MAML1: variants seen among roughly 807,000 people sequenced by gnomAD.
The protein encoded by MAML1 is mastermind-like protein 1.
A neutral mutation model predicts 77.1 loss-of-function variants in MAML1; 14 were observed. The ratio of observed to expected loss-of-function variants is 0.18; its 90% CI spans 0.12 to 0.28. The LOEUF is 0.28. Among genes scored for constraint, MAML1 ranks in the 10% least tolerant of loss-of-function variants. The pLI is 1.00. For missense variants in MAML1, 1,217 were observed against 1,327.8 expected (o/e 0.92, Z 1.30); for synonymous variants, 516 against 551.9 (o/e 0.93, Z 0.91).
At chr5:179,767,830 A>T (rs1478953618) in intron 2 of MAML1, among the ~76,000 whole-genome samples, 1 of 152,252 alleles carries the variant, frequency 6.6e-6, no homozygotes, top group African/African-American at 2.4e-5. Flanking sequence ...AAGGAGCTCA[A>T]CAATTTGAAC....
chr5:179,770,861 G>A (rs1190554982), intron 3 of MAML1: 2 of 306,044 alleles, frequency 6.5e-6, no homozygotes, highest in African/African-American at 4.3e-5. Context: ...ATCTGACTTT[G>A]ATTCTGGCCA....
chr5:179,751,303 G>A (rs1229427072), intron 1 of MAML1, among the ~76,000 whole-genome samples: 3 of 152,168 alleles, frequency 2.0e-5, no homozygotes, highest in Admixed American at 1.3e-4. Context: ...CTGTCCATGA[G>A]GGTAGCCATC....
At chr5:179,736,298 G>A (rs761211134) in intron 1 of MAML1, among the ~76,000 whole-genome samples, 11 of 151,936 alleles carry the variant, frequency 7.2e-5, no homozygotes, top group South Asian at 2.1e-4. Context: ...TTGTCGCCAG[G>A]CTGGAGTGCA....
chr5:179,752,306 C>G (rs1779504878), intron 1 of MAML1, among the ~76,000 whole-genome samples: 1 of 103,446 alleles, frequency 9.7e-6, no homozygotes, highest in Non-Finnish European at 1.8e-5. Flanking sequence ...AGCCTGGCAA[C>G]AGAGCTAGAC....
In MAML1 at chr5:179,766,281, C is replaced by T. The variant is rs774534400; in HGVS notation, c.1271C>T (p.Pro424Leu). Residue 424 changes from proline to leucine, a missense_variant, in exon 2 of 5, where the codon CCG becomes CTG. Around this residue, in one of 3 missense-constraint regions of MAML1, gnomAD observed 884 missense variants for 949.3 expected, o/e 0.93. Transcript: ENST00000292599. This position sits in a 1 kb window ranked among gnomAD's most constrained non-coding sequence, Gnocchi z 4.0. ...NPQQATPAPA[P>L]GQMSTWQQTG... ...CAGCAGGCCACCCCGGCACCAGCCC[C>T]GGGCCAGATGTCCACATGGCAGCAG... The T allele has an allele frequency of 1.4e-5, 22 of 1,613,770 alleles. No individual in the cohort carries two copies. The highest frequency in any genetic ancestry group is 6.7e-5 in the East Asian group (3 of 44,882).
chr5:179,753,892 G>A (rs776627826), intron 1 of MAML1, among the ~76,000 whole-genome samples: 2 of 151,688 alleles, frequency 1.3e-5, no homozygotes, highest in African/African-American at 4.8e-5. Context: ...AGCTGGTCTC[G>A]AACTCCCGAC....
chr5:179,753,790 T>C (rs914919270), intron 1 of MAML1, among the ~76,000 whole-genome samples: 1 of 151,164 alleles, frequency 6.6e-6, no homozygotes, highest in Non-Finnish European at 1.5e-5. Flanking sequence ...TGCTTCAGTC[T>C]CCCAAGTAGC....
chr5:179,749,694 A>T (rs1779449979), intron 1 of MAML1, among the ~76,000 whole-genome samples: 1 of 152,258 alleles, frequency 6.6e-6, no homozygotes, highest in Non-Finnish European at 1.5e-5. Flanking sequence ...AACACAGTAG[A>T]CATGGCCTGG....
chr5:179,747,070 G>A (rs1166247435), intron 1 of MAML1, among the ~76,000 whole-genome samples: 1 of 152,172 alleles, frequency 6.6e-6, no homozygotes, highest in Non-Finnish European at 1.5e-5. Context: ...CTATTCATAG[G>A]TGCTATCATG....
chr5:179,767,243 G>A (rs1779839032), intron 2 of MAML1, among the ~76,000 whole-genome samples: 1 of 152,012 alleles, frequency 6.6e-6, no homozygotes, highest in African/African-American at 2.4e-5. Flanking sequence ...CTAAAGCCCG[G>A]TAGCATCAAA....
At position 179,769,005 on chromosome 5, in the gene MAML1, C is replaced by T. The variant is rs779524655; in HGVS notation, c.1887C>T (p.Asp629=). 5.0e-6 allele frequency: 8 copies of T among 1,614,172 alleles called. No individual in the cohort carries two copies. Among genetic ancestry groups the T allele is most frequent in the Non-Finnish European group, 5.9e-6 (7 of 1,180,034 alleles). Residue 629 remains aspartate (D), a synonymous_variant, in exon 3 of 5, where the codon GAC becomes GAT. Transcript: ENST00000292599. This position sits in a 1 kb window ranked among gnomAD's most constrained non-coding sequence, Gnocchi z 4.2. ...AVMKQHQLLL[D]QQKQREQQQK... The stretch of plus-strand genomic sequence containing the variant: ...TGAAGCAGCATCAGTTGCTTTTGGA[C>T]CAACAGAAACAAAGGGAGCAGCAGC...
At chr5:179,760,814 G>T (rs146536407) in intron 1 of MAML1, among the ~76,000 whole-genome samples, 1 of 152,158 alleles carries the variant, frequency 6.6e-6, no homozygotes, top group East Asian at 1.9e-4. Flanking sequence ...GAAGCAGGCC[G>T]GGCGCAGTGG....
rs1353919364 is a variant in MAML1 at position 179,766,601 on chromosome 5, G to T, written c.1591G>T (p.Gly531Trp). The T allele has an allele frequency of 2.5e-6, 4 of 1,612,918 alleles. No individual in the cohort carries two copies. Among genetic ancestry groups the T allele is most frequent in the Non-Finnish European group, 3.4e-6 (4 of 1,179,226 alleles). Reference sequence around the variant, plus strand: ...AGCGGACTGTGGGCAAGGCAGCCCGGGGTCTGGCCAGAGCAAGCCAGCCCT... The same window carrying T: ...AGCGGACTGTGGGCAAGGCAGCCCGTGGTCTGGCCAGAGCAAGCCAGCCCT... The part of the protein sequence containing the change: ...YKADCGQGSP[G>W]SGQSKPALMA... Residue 531 changes from glycine to tryptophan, a missense_variant, in exon 2 of 5, where the codon GGG (glycine) becomes TGG (tryptophan). This residue lies in a region of MAML1 where 884 missense variants were observed against 949.3 expected (regional missense o/e 0.93). Coordinates refer to ENST00000292599, the MANE Select transcript of MAML1 (RefSeq NM_014757.5). The surrounding 1 kb of genome is among the most constrained non-coding windows in gnomAD (Gnocchi z 4.0).
At chr5:179,741,540 G>A (rs1337685850) in intron 1 of MAML1, among the ~76,000 whole-genome samples, 1 of 152,002 alleles carries the variant, frequency 6.6e-6, no homozygotes, top group Non-Finnish European at 1.5e-5. Flanking sequence ...ACAAAAATTA[G>A]CCGGGCACGG....
chr5:179,752,598 CTTTTTTTTTTTTTTTT>C (rs1172970221), intron 1 of MAML1, among the ~76,000 whole-genome samples: 4 of 71,820 alleles, frequency 5.6e-5, no homozygotes, highest in Admixed American at 3.2e-4. Flanking sequence ...ATTAGATACT[CTTTTTTTTTTTTTTTT>C]TTTTTTTTTT....
At chr5:179,752,340 A>ATATATATATATATATATATAT (rs1413175645) in intron 1 of MAML1, among the ~76,000 whole-genome samples, 1 of 53,492 alleles carries the variant, frequency 1.9e-5, no homozygotes, top group Non-Finnish European at 4.3e-5. Context: ...AAAAAAAAAA[A>ATATATATATATATATATATAT]AAAAAAAAAA....
Position 179,774,427 on chromosome 5 carries a change from C to T in MAML1, c.2601C>T (p.His867=). The T allele has an allele frequency of 6.2e-7, 1 of 1,613,280 alleles. No individual in the cohort carries two copies. The highest frequency in any genetic ancestry group is 8.5e-7 in the Non-Finnish European group (1 of 1,180,050). Residue 867 remains histidine (H), a synonymous_variant, in exon 5 of 5, where the codon CAC becomes CAT. Coordinates refer to ENST00000292599, the MANE Select transcript of MAML1 (RefSeq NM_014757.5). ...CCTTCACTGCAGCCTCCAGTTTCCA[C>T]ATGCAGCAGCAGGCCCACCTGAAAA... ...VSPFTAASSF[H]MQQQAHLKMS...
At position 179,732,910 on chromosome 5, in the gene MAML1, G is replaced by C; in HGVS notation, c.-203G>C. On this transcript the variant is annotated 5_prime_UTR_variant, in exon 1 of 5. An upstream open reading frame in the 5' UTR loses its in-frame stop. Coordinates refer to ENST00000292599, the MANE Select transcript of MAML1 (RefSeq NM_014757.5). ...GGGCGGTGGGGAGAGGCCGAGGCTT[G>C]AGGTAGGCAGCAAGCGCCGGCTGGG... The C allele has an allele frequency of 3.5e-6, 1 of 284,538 alleles. No homozygotes were observed. The highest frequency in any genetic ancestry group is 6.5e-6 in the Non-Finnish European group (1 of 154,476). The allele number at this position is 284,538 out of a possible 1,614,324, so 17.6% of individuals were successfully genotyped here.
chr5:179,732,909 T>G lies in MAML1; in HGVS notation c.-204T>G. ...GGGGCGGTGGGGAGAGGCCGAGGCTTGAGGTAGGCAGCAAGCGCCGGCTGG... is the reference window on the plus strand; with the variant it reads ...GGGGCGGTGGGGAGAGGCCGAGGCTGGAGGTAGGCAGCAAGCGCCGGCTGG... On this transcript the variant is annotated 5_prime_UTR_variant, in exon 1 of 5. An upstream open reading frame in the 5' UTR loses its in-frame stop. Coordinates refer to ENST00000292599, the MANE Select transcript of MAML1 (RefSeq NM_014757.5). 3.6e-6 allele frequency: 1 copy of G among 279,826 alleles called. No homozygotes were observed. Among genetic ancestry groups the G allele is most frequent in the East Asian group, 6.4e-5 (1 of 15,700 alleles). The allele number at this position is 279,826 out of a possible 1,614,324, so 17.3% of individuals were successfully genotyped here.
Sources: gnomAD v4.1 joint callset for allele counts (sites outside exome capture counted in the v4.1 genomes callset) on GRCh38, gnomAD v4.1.1 for gene constraint, gnomAD v4.1.1 regional missense constraint, Gnocchi (gnomAD v3.1) non-coding constraint, MANE v1.5 for transcripts, NCBI Gene and HGNC (gene_info 2026-07-23, HGNC 2026-07-21) for gene names.